SCN1A: variants seen among roughly 807,000 people sequenced by gnomAD.
The protein encoded by SCN1A is sodium channel protein type 1 subunit alpha.
Under a neutral mutation model 193.7 loss-of-function variants are expected in SCN1A, and 13 were observed. The observed-to-expected ratio is 0.07, with a 90% CI of 0.04 to 0.11. The LOEUF (loss-of-function observed/expected upper bound fraction) is 0.11, where lower values mean the gene tolerates loss of function less well. SCN1A is among the 10% of genes least tolerant of loss of function. SCN1A has a pLI of 1.00. For synonymous variants in SCN1A, 781 were observed against 843.6 expected, an observed-to-expected ratio of 0.93 and a Z score of 1.29; for missense variants, 1,432 against 2,451.1, an observed-to-expected ratio of 0.58 and a Z score of 8.78.
At chr2:166,112,535 G>A (rs1689406287) in intron 2 of SCN1A, among the ~76,000 whole-genome samples, 1 of 152,084 alleles carries the variant, frequency 6.6e-6, no homozygotes, top group African/African-American at 2.4e-5. Context: ...AACCAAATGT[G>A]TAATATCTCT....
rs1248343793 is a variant in SCN1A at position 165,991,798 on chromosome 2, T to A, written c.5477A>T (p.Glu1826Val). The change falls in exon 29 of 29, where the codon GAA becomes GTA. Residue 1826 changes from glutamate (E) to valine (V), a missense_variant. By Grantham distance (121) the Glu-to-Val change is moderately radical (BLOSUM62 -2). Transcript: ENST00000674923. The stretch of plus-strand genomic sequence containing the variant: ...CGCAGCTGCAAACTGAGATAATTTT[T>A]CAAATTCCATGAACTGAGTTGCATC... Reference protein sequence around the residue: ...DPDATQFMEFEKLSQFAAALE... With the variant: ...DPDATQFMEFVKLSQFAAALE... The A allele has an allele frequency of 6.2e-7, 1 of 1,613,792 alleles. No individual in the cohort carries two copies. The highest frequency in any genetic ancestry group is 8.5e-7 in the Non-Finnish European group (1 of 1,179,938).
chr2:166,085,447 C>A (rs1464971582), intron 2 of SCN1A, among the ~76,000 whole-genome samples: 1 of 152,112 alleles, frequency 6.6e-6, no homozygotes, highest in Non-Finnish European at 1.5e-5. Flanking sequence ...AGAGGGGTTT[C>A]TCTTTAGCAT....
rs116101416 is a variant in SCN1A, at chr2:166,061,608, C to T, written c.265-2920G>A. ...AAAAAATGATAAATGTTTGAGATGACGGATATGCTAATTATTCTGATCTGA... is the reference window on the plus strand; with the variant it reads ...AAAAAATGATAAATGTTTGAGATGATGGATATGCTAATTATTCTGATCTGA... On this transcript the variant is annotated intron_variant, in intron 4 of 28. Coordinates refer to ENST00000674923, the MANE Select transcript of SCN1A (RefSeq NM_001165963.4). 4.1e-3 allele frequency among the ~76,000 whole-genome samples: 602 copies of T among 148,044 alleles called. 6 individuals are homozygous for T. Among genetic ancestry groups the T allele is most frequent in the African/African-American group, 0.014 (541 of 39,674 alleles).
At chr2:166,134,648 G>A (rs889198651) in intron 1 of SCN1A, among the ~76,000 whole-genome samples, 6 of 152,144 alleles carry the variant, frequency 3.9e-5, no homozygotes, top group Non-Finnish European at 5.9e-5. Context: ...CCCAAAGACA[G>A]CTCCAGAAAA....
chr2:166,014,621 T>A (rs971718964), intron 20 of SCN1A, among the ~76,000 whole-genome samples: 142 of 68,524 alleles, frequency 2.1e-3, no homozygotes, highest in East Asian at 3.4e-3. Flanking sequence ...AAGATATAAA[T>A]ACAGGATCCC....
chr2:166,017,705 T>A (rs549382313), intron 19 of SCN1A, among the ~76,000 whole-genome samples: 3 of 152,118 alleles, frequency 2.0e-5, no homozygotes, highest in African/African-American at 7.2e-5. Context: ...AGAGTGGAAT[T>A]TGAGAATTTT....
chr2:166,044,175 G>T lies in SCN1A; in HGVS notation c.1663-126C>A, dbSNP rs1697517286. 3.7e-6 allele frequency: 4 copies of T among 1,089,148 alleles called. No homozygotes were observed. In the African/African-American group the frequency reaches 4.8e-5, roughly 13 times the overall value. 67.5% of individuals were successfully genotyped at this position (1,089,148 alleles called of 1,614,324 possible). ...TAACAGAATATGGTTCATTCCTTTT[G>T]ATTATCATTCTCATTTTATGTGCAT... On this transcript the variant is annotated intron_variant, in intron 13 of 28. Coordinates refer to ENST00000674923, the MANE Select transcript of SCN1A (RefSeq NM_001165963.4).
chr2:166,036,120 T>A lies in SCN1A; in HGVS notation c.3357A>T (p.Val1119=), dbSNP rs771222969. The part of the protein sequence containing the change: ...PSLTVTVPIA[V]GESDFENLNT... Reference sequence around the variant, plus strand: ...TTAAATTTTCAAAGTCAGATTCTCCTACAGCAATTGGTACAGTCACAGTAA... The same window carrying A: ...TTAAATTTTCAAAGTCAGATTCTCCAACAGCAATTGGTACAGTCACAGTAA... The change falls in exon 19 of 29, where the codon GTA becomes GTT. Residue 1119 remains valine, a synonymous_variant. Coordinates refer to ENST00000674923, the MANE Select transcript of SCN1A (RefSeq NM_001165963.4). The A allele has an allele frequency of 3.1e-6, 5 of 1,613,982 alleles. No individual in the cohort carries two copies. The South Asian group carries it at 5.5e-5, about 18-fold the overall frequency.
intron 3 of SCN1A, among the ~76,000 whole-genome samples, chr2:166,073,971 G>A (rs1005211401): frequency 2.6e-5 from 4 of 152,176 alleles, no homozygotes; most frequent in Non-Finnish European, 5.9e-5. Context: ...TCACTAATGA[G>A]TTATTCAGTC....
chr2:166,108,976 T>A (rs1689001906), intron 2 of SCN1A, among the ~76,000 whole-genome samples: 1 of 152,192 alleles, frequency 6.6e-6, no homozygotes, highest in African/African-American at 2.4e-5. Context: ...ATTATTTGAT[T>A]CCCTTCTTTT....
intron 2 of SCN1A, among the ~76,000 whole-genome samples, chr2:166,090,993 C>T (rs1686741016): frequency 6.6e-6 from 1 of 152,194 alleles, no homozygotes; most frequent in Non-Finnish European, 1.5e-5. Context: ...TATTGCATCA[C>T]AATCTGCATG....
chr2:166,115,975 G>C (rs1043044836), intron 2 of SCN1A, among the ~76,000 whole-genome samples: 2 of 152,170 alleles, frequency 1.3e-5, no homozygotes, highest in Non-Finnish European at 2.9e-5. Flanking sequence ...ACCAAATAAA[G>C]AAGCAGTAGC....
intron 19 of SCN1A, among the ~76,000 whole-genome samples, chr2:166,028,530 A>G (rs1389888049): frequency 6.6e-6 from 1 of 152,154 alleles, no homozygotes; most frequent in Non-Finnish European, 1.5e-5. Flanking sequence ...AATCACAATC[A>G]CTGGTTTTAT....
intron 27 of SCN1A, 78 bp from the exon 28 acceptor site, chr2:165,994,494 T>C: frequency 7.2e-7 from 1 of 1,386,236 alleles, no homozygotes; most frequent in Non-Finnish European, 1.0e-6. Flanking sequence ...TCTGCATTAA[T>C]TGACTTTCTA....
chr2:166,042,734 GAACT>G (rs1298686321), intron 14 of SCN1A, among the ~76,000 whole-genome samples: 1 of 152,106 alleles, frequency 6.6e-6, no homozygotes, highest in Non-Finnish European at 1.5e-5. Context: ...CCTTATTTCT[GAACT>G]AATAGTAAAA....
At chr2:166,139,576 A>G (rs1182114501) in intron 1 of SCN1A, among the ~76,000 whole-genome samples, 2 of 152,198 alleles carry the variant, frequency 1.3e-5, no homozygotes, top group Non-Finnish European at 2.9e-5. Flanking sequence ...AGTTCAAGAA[A>G]CTTGTTTTTC....
chr2:166,025,037 C>T (rs1210656598), intron 19 of SCN1A, among the ~76,000 whole-genome samples: 1 of 152,160 alleles, frequency 6.6e-6, no homozygotes, highest in Non-Finnish European at 1.5e-5. Flanking sequence ...TTGAGTTTTC[C>T]TAACAAGGAT....
At chr2:166,013,568 C>T (rs1330526552) in intron 21 of SCN1A, among the ~76,000 whole-genome samples, 176 bp downstream of exon 21, 1 of 151,238 alleles carries the variant, frequency 6.6e-6, no homozygotes, top group Admixed American at 6.6e-5. Context: ...TATTTACATA[C>T]ATAGTAAAAG....
In SCN1A at chr2:165,989,020, G is replaced by T. The variant is rs1439963777; in HGVS notation, c.*2225C>A. The T allele has an allele frequency of 8.2e-6, 1 of 122,580 alleles. No individual in the cohort carries two copies. The highest frequency in any genetic ancestry group is 3.1e-5 in the African/African-American group (1 of 31,990). The allele number at this position is 122,580 out of a possible 1,614,324, so 7.6% of individuals were successfully genotyped here. ...ACCCTAGGTTTTGTTGTCAACGTGG[G>T]TATGCCTCTGTGTGTGTGTGTGTGT... On this transcript the variant is annotated 3_prime_UTR_variant, in exon 29 of 29. Transcript: ENST00000674923.
Sources: gnomAD v4.1 joint callset for allele counts (sites outside exome capture counted in the v4.1 genomes callset) on GRCh38, gnomAD v4.1.1 for gene constraint, MANE v1.5 for transcripts, NCBI Gene and HGNC (gene_info 2026-07-23, HGNC 2026-07-21) for gene names.